COL7A1: variants seen among roughly 807,000 people sequenced by gnomAD.
COL7A1 encodes collagen alpha-1(VII) chain.
Under a neutral mutation model 456.2 loss-of-function variants are expected in COL7A1, and 296 were observed. That is an observed-to-expected ratio of 0.65 (90% CI 0.59 to 0.71). The LOEUF (loss-of-function observed/expected upper bound fraction) is 0.71. Ranked by LOEUF, COL7A1 falls within the 30% of genes least tolerant of loss-of-function variation. The pLI is 0.00. For synonymous variants in COL7A1, 1,464 were observed against 1,525.9 expected (o/e 0.96, Z 0.95); for missense variants, 3,441 against 4,017.2 (o/e 0.86, Z 3.88).
rs761310797 is a variant in COL7A1 at position 48,583,209 on chromosome 3, G to A, written c.4438-38C>T. On this transcript the variant is annotated intron_variant, in intron 42 of 118. Coordinates refer to ENST00000681320, the MANE Select transcript of COL7A1 (RefSeq NM_000094.4). This position sits in a 1 kb window ranked among gnomAD's most constrained non-coding sequence, Gnocchi z 5.1. ...GGTGAGAGAAAGACAGAGAGAGAGA[G>A]GGTTGGTGGCGGGGCTTGAACGTCA... The A allele has an allele frequency of 6.2e-6, 10 of 1,612,520 alleles. No homozygotes were observed. The highest frequency in any genetic ancestry group is 8.5e-6 in the Non-Finnish European group (10 of 1,179,440).
In COL7A1 at chr3:48,581,050, G is replaced by C; in HGVS notation, c.4935+72C>G. The C allele has an allele frequency of 6.2e-7, 1 of 1,604,608 alleles. No individual in the cohort carries two copies. Reference sequence around the variant, plus strand: ...AGGCAGGGAGTGGATGGATGAACTGGTGGAGCACCAGCCTACTGGGATCCT... The same window carrying C: ...AGGCAGGGAGTGGATGGATGAACTGCTGGAGCACCAGCCTACTGGGATCCT... On this transcript the variant is annotated intron_variant, in intron 53 of 118. Transcript: ENST00000681320. This position sits in a 1 kb window ranked among gnomAD's most constrained non-coding sequence, Gnocchi z 5.8.
In COL7A1 at chr3:48,591,564, T is replaced by C; in HGVS notation, c.1536A>G (p.Thr512=). The part of the protein sequence containing the change: ...TGPELPVSPV[T]DLQATELPGQ... ...CGGGCAGCTCGGTGGCTTGCAGGTC[T>C]GTTACAGGGCTCACAGGCAGCTCTG... Residue 512 remains threonine, a synonymous_variant, in exon 13 of 119, where the codon ACA becomes ACG. Coordinates refer to ENST00000681320, the MANE Select transcript of COL7A1 (RefSeq NM_000094.4). This position sits in a 1 kb window ranked among gnomAD's most constrained non-coding sequence, Gnocchi z 7.0. 1.2e-6 allele frequency: 2 copies of C among 1,613,760 alleles called. No individual in the cohort carries two copies. Among genetic ancestry groups the C allele is most frequent in the South Asian group, 2.2e-5 (2 of 91,084 alleles).
rs1287693515 is a variant in COL7A1, at chr3:48,581,762, G to A, written c.4669-3C>T. The A allele has an allele frequency of 6.2e-7, 1 of 1,614,032 alleles. No homozygotes were observed. Among genetic ancestry groups the A allele is most frequent in the South Asian group, 1.1e-5 (1 of 91,080 alleles). ...GGCCCAGCGGGCCCCACATCTCCCT[G>A]GAGGTGACAAAGACCATCAGTGCTA... On this transcript the variant is annotated splice_region_variant and splice_polypyrimidine_tract_variant and intron_variant, in intron 48 of 118. Transcript: ENST00000681320. This position sits in a 1 kb window ranked among gnomAD's most constrained non-coding sequence, Gnocchi z 5.8.
rs2107638376 is a variant in COL7A1 at position 48,568,489 on chromosome 3, G to T, written c.7794+10C>A. 1 of 1,602,152 alleles carries T rather than the reference G, an allele frequency of 6.2e-7. No homozygotes were observed. Among genetic ancestry groups the T allele is most frequent in the Non-Finnish European group, 8.5e-7 (1 of 1,171,982 alleles). On this transcript the variant is annotated intron_variant, in intron 105 of 118. Transcript: ENST00000681320. The surrounding 1 kb of genome is among the most constrained non-coding windows in gnomAD (Gnocchi z 5.2). The stretch of plus-strand genomic sequence containing the variant: ...GACAGGGGGCCCCTGTGGGAGCAGG[G>T]GCATCTTACCGGGTCACCAGGGATC...
At position 48,580,001 on chromosome 3, in the gene COL7A1, A is replaced by T. The variant is rs1462705563; in HGVS notation, c.5124+30T>A. The stretch of plus-strand genomic sequence containing the variant: ...GCCAAAGGGGCAAGTGAGAACAATG[A>T]CAGAGGACCAGACCCAGCGCAGCCC... On this transcript the variant is annotated intron_variant, in intron 57 of 118. Transcript: ENST00000681320. The surrounding 1 kb of genome is among the most constrained non-coding windows in gnomAD (Gnocchi z 4.5). 1.2e-6 allele frequency: 2 copies of T among 1,613,786 alleles called. No individual in the cohort carries two copies. The highest frequency in any genetic ancestry group is 2.7e-5 in the African/African-American group (2 of 74,854).
chr3:48,579,123 T>A lies in COL7A1; in HGVS notation c.5388+74A>T. The A allele has an allele frequency of 6.3e-7, 1 of 1,577,450 alleles. No individual in the cohort carries two copies. Among genetic ancestry groups the A allele is most frequent in the Non-Finnish European group, 8.7e-7 (1 of 1,149,506 alleles). ...GCTCGTCAAGGCCAAGACCAACCAATGAGGCTGGGGTCTAGGGTCCTCATG... is the reference window on the plus strand; with the variant it reads ...GCTCGTCAAGGCCAAGACCAACCAAAGAGGCTGGGGTCTAGGGTCCTCATG... On this transcript the variant is annotated intron_variant, in intron 62 of 118. Transcript: ENST00000681320. This position sits in a 1 kb window ranked among gnomAD's most constrained non-coding sequence, Gnocchi z 4.4.
Position 48,581,280 on chromosome 3 carries a change from C to A in COL7A1, c.4879G>T (p.Val1627Phe). 5 of 1,613,558 alleles carry A rather than the reference C, an allele frequency of 3.1e-6. No homozygotes were observed. Among genetic ancestry groups the A allele is most frequent in the Non-Finnish European group, 4.2e-6 (5 of 1,179,884 alleles). The change falls in exon 52 of 119, where the codon GTT becomes TTT. Residue 1627 changes from valine to phenylalanine, a missense_variant. Val to Phe is a conservative substitution (Grantham distance 50). This residue lies in a region of COL7A1 where 2,084 missense variants were observed against 2,501.3 expected (regional missense o/e 0.83). Coordinates refer to ENST00000681320, the MANE Select transcript of COL7A1 (RefSeq NM_000094.4). The surrounding 1 kb of genome is among the most constrained non-coding windows in gnomAD (Gnocchi z 5.8). ...DPGRPGPPGP[V>F]GPRGRDGEVG... is the part of the protein sequence containing the mutation. The stretch of plus-strand genomic sequence containing the variant: ...CTTACATCTCGTCCTCGGGGGCCAA[C>A]AGGTCCTGGGGGGCCAGGCCGCCCA...
Position 48,579,604 on chromosome 3 carries a change from C to A in COL7A1, c.5219G>T (p.Gly1740Val). 1 of 1,613,826 alleles carries A rather than the reference C, an allele frequency of 6.2e-7. No homozygotes were observed. The highest frequency in any genetic ancestry group is 8.5e-7 in the Non-Finnish European group (1 of 1,180,004). Residue 1740 changes from glycine to valine, a missense_variant, in exon 59 of 119, where the codon GGA (glycine) becomes GTA (valine). By Grantham distance (109) the Gly-to-Val change is moderately radical. Around this residue, in one of 3 missense-constraint regions of COL7A1, gnomAD observed 2,084 missense variants for 2,501.3 expected, o/e 0.83. Transcript: ENST00000681320. This position sits in a 1 kb window ranked among gnomAD's most constrained non-coding sequence, Gnocchi z 4.4. ...CACACTCACCCTTTCCCCAGGGGCT[C>A]CAGGGAGGCCAGGATCACCCTTGGG... ...RGPKGDPGLP[G>V]APGERGIEGF...
rs201389550 is a variant in COL7A1 at position 48,586,421 on chromosome 3, C to T, written c.3461G>A (p.Arg1154His). 1.9e-5 allele frequency: 30 copies of T among 1,613,754 alleles called. No homozygotes were observed. Among genetic ancestry groups the T allele is most frequent in the East Asian group, 2.2e-5 (1 of 44,890 alleles). Reference protein sequence around the residue: ...YMLAPDAPGRRQHVPGVMVLL... With the variant: ...YMLAPDAPGRHQHVPGVMVLL... ...AACCATCACCCCTGGTACGTGCTGG[C>T]GGCGCCCAGGAGCATCTGGTGCCAA... The change falls in exon 27 of 119, where the codon CGC becomes CAC. Residue 1154 changes from arginine (R) to histidine (H), a missense_variant. By Grantham distance (29) the Arg-to-His change is conservative. Coordinates refer to ENST00000681320, the MANE Select transcript of COL7A1 (RefSeq NM_000094.4). This position sits in a 1 kb window ranked among gnomAD's most constrained non-coding sequence, Gnocchi z 5.1.
Position 48,568,466 on chromosome 3 carries a change from CA to C in COL7A1, c.7794+32del. The stretch of plus-strand genomic sequence containing the variant: ...CATGGTGACGGGGGCCCTCTGGGGA[CA>C]GGGGGCCCCTGTGGGAGCAGGGGCA... On this transcript the variant is annotated intron_variant, in intron 105 of 118. Coordinates refer to ENST00000681320, the MANE Select transcript of COL7A1 (RefSeq NM_000094.4). The surrounding 1 kb of genome is among the most constrained non-coding windows in gnomAD (Gnocchi z 5.2). 1 of 1,586,770 alleles carries C rather than the reference CA, an allele frequency of 6.3e-7. No individual in the cohort carries two copies. The highest frequency in any genetic ancestry group is 8.6e-7 in the Non-Finnish European group (1 of 1,162,738).
chr3:48,580,686 C>G lies in COL7A1; in HGVS notation c.4981-34G>C. 6.2e-7 allele frequency: 1 copy of G among 1,612,160 alleles called. No homozygotes were observed. Among genetic ancestry groups the G allele is most frequent in the Non-Finnish European group, 8.5e-7 (1 of 1,178,580 alleles). On this transcript the variant is annotated intron_variant, in intron 54 of 118. Transcript: ENST00000681320. The surrounding 1 kb of genome is among the most constrained non-coding windows in gnomAD (Gnocchi z 4.5). ...AGCAGCTGGCCTGAGACAGACCCTC[C>G]CAATATTTTGCAGGTGCCCCTATGA...
Position 48,578,858 on chromosome 3 carries a change from G to A in COL7A1, c.5424+61C>T, listed in dbSNP as rs73078310. On this transcript the variant is annotated intron_variant, in intron 63 of 118. Transcript: ENST00000681320. This position sits in a 1 kb window ranked among gnomAD's most constrained non-coding sequence, Gnocchi z 4.7. ...CTCTCTCGGATGCTGTGACTATGAT[G>A]ATCTGGTTGGAGCTTACGCAGCCCC... is the stretch of plus-strand genomic sequence containing the variant. 39,395 of 1,541,786 alleles carry A rather than the reference G, an allele frequency of 0.026. 604 individuals carry two copies. Among genetic ancestry groups the A allele is most frequent in the Non-Finnish European group, 0.027 (30,881 of 1,133,702 alleles).
chr3:48,583,348 C>T lies in COL7A1; in HGVS notation c.4437+45G>A. The T allele has an allele frequency of 1.2e-6, 2 of 1,612,986 alleles. No individual in the cohort carries two copies. On this transcript the variant is annotated intron_variant, in intron 42 of 118. Coordinates refer to ENST00000681320, the MANE Select transcript of COL7A1 (RefSeq NM_000094.4). The surrounding 1 kb of genome is among the most constrained non-coding windows in gnomAD (Gnocchi z 5.1). Reference sequence around the variant, plus strand: ...AGCCTCCCCTAACACCATGGGGAGCCCAGAGTAGCACCCCTCACACCTGAA... The same window carrying T: ...AGCCTCCCCTAACACCATGGGGAGCTCAGAGTAGCACCCCTCACACCTGAA...
At position 48,587,112 on chromosome 3, in the gene COL7A1, T is replaced by A. The variant is rs201656230; in HGVS notation, c.3140-4A>T. On this transcript the variant is annotated splice_polypyrimidine_tract_variant and splice_region_variant and intron_variant, in intron 24 of 118. Coordinates refer to ENST00000681320, the MANE Select transcript of COL7A1 (RefSeq NM_000094.4). The surrounding 1 kb of genome is among the most constrained non-coding windows in gnomAD (Gnocchi z 6.1). ...TCCGCCAGGCCACGGGGGCACACTGTAGGAAGGGGAACAAGTTACTGAAGC... is the reference window on the plus strand; with the variant it reads ...TCCGCCAGGCCACGGGGGCACACTGAAGGAAGGGGAACAAGTTACTGAAGC... 1.1e-4 allele frequency: 181 copies of A among 1,612,996 alleles called. 2 individuals are homozygous for A. The African/African-American group carries it at 2.3e-3, about 21-fold the overall frequency.
chr3:48,587,537 T>C lies in COL7A1; in HGVS notation c.2875A>G (p.Ser959Gly). 3 of 1,613,434 alleles carry C rather than the reference T, an allele frequency of 1.9e-6. No homozygotes were observed. The highest frequency in any genetic ancestry group is 2.5e-6 in the Non-Finnish European group (3 of 1,180,002). Residue 959 changes from serine (S) to glycine (G), a missense_variant, in exon 23 of 119, where the codon AGC becomes GGC. By Grantham distance (56) the Ser-to-Gly change is moderately conservative. Around this residue, in one of 3 missense-constraint regions of COL7A1, gnomAD observed 444 missense variants for 427.6 expected, o/e 1.04. Coordinates refer to ENST00000681320, the MANE Select transcript of COL7A1 (RefSeq NM_000094.4). The surrounding 1 kb of genome is among the most constrained non-coding windows in gnomAD (Gnocchi z 6.1). Reference protein sequence around the residue: ...TARTESPRVPSIELRVVDTSI... With the variant: ...TARTESPRVPGIELRVVDTSI... Reference sequence around the variant, plus strand: ...GTGTCCACCACACGTAGTTCAATGCTTGGAACACGAGGTGACTCTGAAGGA... The same window carrying C: ...GTGTCCACCACACGTAGTTCAATGCCTGGAACACGAGGTGACTCTGAAGGA...
At position 48,570,051 on chromosome 3, in the gene COL7A1, G is replaced by C; in HGVS notation, c.7485+83C>G. ...ACGAGGAGGGCCAGAGGGCTAGGGA[G>C]GATGGCAGAGAGTCCTGGGGTACAA... On this transcript the variant is annotated intron_variant, in intron 99 of 118. Coordinates refer to ENST00000681320, the MANE Select transcript of COL7A1 (RefSeq NM_000094.4). The surrounding 1 kb of genome is among the most constrained non-coding windows in gnomAD (Gnocchi z 5.5). 6.3e-7 allele frequency: 1 copy of C among 1,596,400 alleles called. No individual in the cohort carries two copies. The highest frequency in any genetic ancestry group is 8.6e-7 in the Non-Finnish European group (1 of 1,164,498).
chr3:48,575,429 G>A lies in COL7A1; in HGVS notation c.6090C>T (p.Ser2030=), dbSNP rs200360245. Residue 2030 remains serine, a synonymous_variant, in exon 74 of 119, where the codon TCC becomes TCT. Transcript: ENST00000681320. This position sits in a 1 kb window ranked among gnomAD's most constrained non-coding sequence, Gnocchi z 6.3. ...ALGERGPPGP[S]GLAGEPGKPG... is the part of the protein sequence containing the mutation. The stretch of plus-strand genomic sequence containing the variant: ...GCTTTCCAGGCTCCCCGGCAAGGCC[G>A]GAAGGCCCGGGGGGGCCCCTCTCCC... The A allele has an allele frequency of 2.2e-4, 359 of 1,609,436 alleles. 1 individual carries two copies. In the African/African-American group the frequency reaches 4.2e-3, roughly 19 times the overall value.
chr3:48,586,655 G>C lies in COL7A1; in HGVS notation c.3311C>G (p.Pro1104Arg). 6.2e-7 allele frequency: 1 copy of C among 1,610,610 alleles called. No homozygotes were observed. The highest frequency in any genetic ancestry group is 8.5e-7 in the Non-Finnish European group (1 of 1,178,536). The stretch of plus-strand genomic sequence containing the variant: ...ATGGGAGCCATTCAGTGGGAACAGT[G>C]GGGAGGGCCGATGACTGTAAGACAG... The part of the protein sequence containing the change: ...GLLSYSHRPS[P>R]LFPLNGSHDL... Residue 1104 changes from proline (P) to arginine (R), a missense_variant, in exon 26 of 119, where the codon CCA (proline) becomes CGA (arginine). Pro to Arg is a moderately radical substitution (Grantham distance 103, BLOSUM62 -2). Coordinates refer to ENST00000681320, the MANE Select transcript of COL7A1 (RefSeq NM_000094.4). The surrounding 1 kb of genome is among the most constrained non-coding windows in gnomAD (Gnocchi z 5.1).
chr3:48,568,326 A>C lies in COL7A1; in HGVS notation c.7795-156T>G. ...CATGGGGACAAGGGTCACCATAGGC[A>C]GGGGACACCATCATAGGCGGCTACT... On this transcript the variant is annotated intron_variant, in intron 105 of 118. Coordinates refer to ENST00000681320, the MANE Select transcript of COL7A1 (RefSeq NM_000094.4). The surrounding 1 kb of genome is among the most constrained non-coding windows in gnomAD (Gnocchi z 5.2). The C allele has an allele frequency of 9.4e-7, 1 of 1,061,798 alleles. No individual in the cohort carries two copies. The highest frequency in any genetic ancestry group is 2.0e-5 in the Admixed American group (1 of 50,324). 65.8% of individuals were successfully genotyped at this position (1,061,798 alleles called of 1,614,324 possible). A position where few individuals can be genotyped will look rare whatever the true frequency, so the allele number is the denominator to read the frequency against.
Sources: gnomAD v4.1 joint callset for allele counts on GRCh38, gnomAD v4.1.1 for gene constraint, gnomAD v4.1.1 regional missense constraint, Gnocchi (gnomAD v3.1) non-coding constraint, MANE v1.5 for transcripts, NCBI Gene and HGNC (gene_info 2026-07-23, HGNC 2026-07-21) for gene names.